The following CFHR5 variants were observed in gnomAD, a reference collection of about 807,000 sequenced individuals.
CFHR5 encodes the protein complement factor H-related protein 5.
In CFHR5, 73 loss-of-function variants were observed where a neutral mutation model predicts 62.9. The observed-to-expected ratio is 1.16, with a 90% confidence interval of 0.96 to 1.41. CFHR5 has a LOEUF of 1.41. Among genes scored for constraint, CFHR5 ranks in the 40% most tolerant of loss-of-function variants. The pLI is 0.00. For missense variants in CFHR5, 779 were observed against 679.9 expected (o/e 1.15, Z -1.62); for synonymous variants, 249 against 227.2 (o/e 1.10, Z -0.86).
upstream of CFHR5, among the ~76,000 whole-genome samples, chr1:196,976,840 T>C (rs1037069387): frequency 1.4e-5 from 2 of 145,378 alleles, no homozygotes; most frequent in African/African-American, 5.2e-5. Flanking sequence ...AGTCTCGCTC[T>C]GTCGCCCAGG....
In CFHR5 at chr1:197,004,098, G is replaced by A. The variant is rs549539500; in HGVS notation, c.1331-563G>A. On this transcript the variant is annotated intron_variant, in intron 8 of 9. Coordinates refer to ENST00000256785, the MANE Select transcript of CFHR5 (RefSeq NM_030787.4). Reference sequence around the variant, plus strand: ...GGGAGATCAGTCAGTACAATTGAACGTATTCCAGCCAATCTTAGCATGAAG... The same window carrying A: ...GGGAGATCAGTCAGTACAATTGAACATATTCCAGCCAATCTTAGCATGAAG... Among the ~76,000 whole-genome samples, 24 of 152,188 alleles carry A rather than the reference G, an allele frequency of 1.6e-4. No individual in the cohort carries two copies. In the East Asian group the frequency reaches 2.3e-3, roughly 15 times the overall value.
intron 1 of CFHR5, among the ~76,000 whole-genome samples, chr1:196,978,038 A>C (rs1653443518): frequency 6.6e-6 from 1 of 152,208 alleles, no homozygotes; most frequent in African/African-American, 2.4e-5. Context: ...AATTCTGCAT[A>C]AACTCTGCAA....
At chr1:196,988,021 T>G (rs1257617882) in intron 3 of CFHR5, among the ~76,000 whole-genome samples, 2 of 152,190 alleles carry the variant, frequency 1.3e-5, no homozygotes, top group African/African-American at 2.4e-5. Context: ...TTCTTCCATT[T>G]GTTTGTGTCC....
intron 7 of CFHR5, 121 bp from the exon 8 acceptor site, chr1:197,002,361 G>T: frequency 1.5e-6 from 1 of 674,472 alleles, no homozygotes; most frequent in Non-Finnish European, 2.6e-6. Context: ...GAAAGAGAAA[G>T]TGATAGAGAG....
chr1:197,000,176 T>TA (rs779257151), intron 7 of CFHR5, among the ~76,000 whole-genome samples: 1 of 151,996 alleles, frequency 6.6e-6, no homozygotes. Context: ...GGTATCAAAA[T>TA]AAGGAAGAAG....
At chr1:197,007,241 TAG>T (rs1654313292) in intron 9 of CFHR5, among the ~76,000 whole-genome samples, 1 of 151,098 alleles carries the variant, frequency 6.6e-6, no homozygotes, top group African/African-American at 2.4e-5. Context: ...AGAGATAGAT[TAG>T]AGTCTTGACT....
chr1:196,979,256 C>CTGTGTGTGTGTG (rs57862148), intron 1 of CFHR5, among the ~76,000 whole-genome samples: 2,574 of 148,546 alleles, frequency 0.017, 81 homozygotes, highest in African/African-American at 0.059. Flanking sequence ...AGGTAATTGT[C>CTGTGTGTGTGTG]TGTGTGTGTG....
chr1:196,977,561 A>G lies in CFHR5; in HGVS notation c.-104A>G. ...TACTAAACTAGCTTCCCCTTAGTACATTGAAATTCAAAGTCATGCTTGTAA... is the reference window on the plus strand; with the variant it reads ...TACTAAACTAGCTTCCCCTTAGTACGTTGAAATTCAAAGTCATGCTTGTAA... On this transcript the variant is annotated 5_prime_UTR_variant, in exon 1 of 10. Coordinates refer to ENST00000256785, the MANE Select transcript of CFHR5 (RefSeq NM_030787.4). 1 of 942,948 alleles carries G rather than the reference A, an allele frequency of 1.1e-6. No homozygotes were observed. The highest frequency in any genetic ancestry group is 1.8e-6 in the Non-Finnish European group (1 of 569,226). 58.4% of individuals were successfully genotyped at this position (942,948 alleles called of 1,614,324 possible). A position where few individuals can be genotyped will look rare whatever the true frequency, so the allele number is the denominator to read the frequency against.
At chr1:196,978,476 G>C (rs1219788982) in intron 1 of CFHR5, among the ~76,000 whole-genome samples, 1 of 152,068 alleles carries the variant, frequency 6.6e-6, no homozygotes, top group Non-Finnish European at 1.5e-5. Context: ...TTCAATCATT[G>C]TGCTATATAC....
At chr1:196,978,353 A>G (rs943197661) in intron 1 of CFHR5, among the ~76,000 whole-genome samples, 3 of 152,142 alleles carry the variant, frequency 2.0e-5, no homozygotes, top group African/African-American at 4.8e-5. Context: ...ATAACATTAT[A>G]AACTATCCCA....
chr1:196,988,231 C>T (rs1653747788), intron 3 of CFHR5, among the ~76,000 whole-genome samples: 1 of 152,136 alleles, frequency 6.6e-6, no homozygotes, highest in African/African-American at 2.4e-5. Context: ...TATCCTGAGA[C>T]TTTGCTGAAG....
chr1:197,008,570 A>G lies in CFHR5; in HGVS notation c.1597A>G (p.Thr533Ala), dbSNP rs749321849. The G allele has an allele frequency of 2.5e-5, 40 of 1,613,542 alleles. No individual in the cohort carries two copies. Among genetic ancestry groups the G allele is most frequent in the Non-Finnish European group, 3.3e-5 (39 of 1,179,672 alleles). The change falls in exon 10 of 10, where the codon ACA becomes GCA. Residue 533 changes from threonine (T) to alanine (A), a missense_variant. Thr to Ala is a moderately conservative substitution (Grantham distance 58). Coordinates refer to ENST00000256785, the MANE Select transcript of CFHR5 (RefSeq NM_030787.4). ...AAACGATGGAAAACTCTATGCAAAA[A>G]CAGGGGATGCTGTTGAATTCCAGTG... is the stretch of plus-strand genomic sequence containing the variant. ...WRNDGKLYAK[T>A]GDAVEFQCKF...
chr1:196,987,070 G>T (rs1169130684), intron 3 of CFHR5, among the ~76,000 whole-genome samples: 1 of 152,158 alleles, frequency 6.6e-6, no homozygotes, highest in Non-Finnish European at 1.5e-5. Flanking sequence ...TCTAACTGGT[G>T]TGAGATGGTA....
intron 1 of CFHR5, 103 bp from the exon 2 acceptor site, chr1:196,982,782 T>G: frequency 9.3e-7 from 1 of 1,074,290 alleles, no homozygotes; most frequent in Non-Finnish European, 1.4e-6. Flanking sequence ...GCATTTAAGC[T>G]GAATGAAAAA....
rs1423215392 is a variant in CFHR5 at position 196,984,010 on chromosome 1, AC to A, written c.304del (p.Leu102Ter). 3 of 1,612,712 alleles carry A rather than the reference AC, an allele frequency of 1.9e-6. No individual in the cohort carries two copies. On this transcript the variant is annotated frameshift_variant, in exon 3 of 10. Transcript: ENST00000256785. LOFTEE classifies it high-confidence loss of function. ...AAAATGGTCATTCTGAATCTTCAGG[AC>A]TAATACATCTGGAAGGTGATACTGT... is the stretch of plus-strand genomic sequence containing the variant. ...VKNGHSESSG[L>X]IHLEGDTVQI...
chr1:196,994,142 T>C lies in CFHR5; in HGVS notation c.493T>C (p.Tyr165His). 4 of 1,613,576 alleles carry C rather than the reference T, an allele frequency of 2.5e-6. No individual in the cohort carries two copies. The highest frequency in any genetic ancestry group is 3.4e-6 in the Non-Finnish European group (4 of 1,179,708). The change falls in exon 4 of 10, where the codon TAC becomes CAC. Residue 165 changes from tyrosine (Y) to histidine (H), a missense_variant. Transcript: ENST00000256785. Reference sequence around the variant, plus strand: ...AGATGCTCAGCCAAAAAAAGAAAGCTACAAAGTTGGAGACGTGTTGAAATT... The same window carrying C: ...AGATGCTCAGCCAAAAAAAGAAAGCCACAAAGTTGGAGACGTGTTGAAATT... ...NVDAQPKKES[Y>H]KVGDVLKFSC... is the part of the protein sequence containing the mutation.
At chr1:197,000,037 A>G (rs756706209) in intron 7 of CFHR5, among the ~76,000 whole-genome samples, 10 of 151,966 alleles carry the variant, frequency 6.6e-5, no homozygotes, top group African/African-American at 7.2e-5. Context: ...AATGGTGTGC[A>G]TACACAAATA....
chr1:196,981,401 G>T (rs1653537140), intron 1 of CFHR5, among the ~76,000 whole-genome samples: 1 of 151,704 alleles, frequency 6.6e-6, no homozygotes, highest in Non-Finnish European at 1.5e-5. Context: ...CATGTGGCAG[G>T]GAAGAGGAAG....
At chr1:196,978,482 T>C (rs1653454277) in intron 1 of CFHR5, among the ~76,000 whole-genome samples, 1 of 152,160 alleles carries the variant, frequency 6.6e-6, no homozygotes, top group East Asian at 1.9e-4. Context: ...CATTGTGCTA[T>C]ATACTCTTTG....
Sources: gnomAD v4.1 joint callset for allele counts (sites outside exome capture counted in the v4.1 genomes callset) on GRCh38, gnomAD v4.1.1 for gene constraint, MANE v1.5 for transcripts, NCBI Gene and HGNC (gene_info 2026-07-23, HGNC 2026-07-21) for gene names.